Variants in SETBP1 observed in about 807,000 individuals in gnomAD.
SETBP1 encodes SET-binding protein.
A neutral mutation model predicts 101.0 loss-of-function variants in SETBP1; 9 were observed. That is an observed-to-expected ratio of 0.09 (90% CI 0.05 to 0.16). SETBP1 has a LOEUF of 0.16. SETBP1 is among the 10% of genes least tolerant of loss of function. The pLI is 1.00. For synonymous variants in SETBP1, 818 were observed against 788.5 expected (o/e 1.04, Z -0.63); for missense variants, 1,858 against 2,033.8 (o/e 0.91, Z 1.66).
intron 5 of SETBP1, among the ~76,000 whole-genome samples, chr18:45,060,567 G>A (rs1191402724): frequency 2.0e-5 from 3 of 152,054 alleles, no homozygotes; most frequent in Non-Finnish European, 4.4e-5. Flanking sequence ...GTTAACATTT[G>A]CTAAATGTGA....
intron 1 of SETBP1, among the ~76,000 whole-genome samples, chr18:44,683,682 T>C (rs2144089570): frequency 6.6e-6 from 1 of 152,298 alleles, no homozygotes; most frequent in South Asian, 2.1e-4. Flanking sequence ...CCTTTCTGGG[T>C]TCCTGTGGAG....
At chr18:45,061,742 C>A (rs1442714588) in intron 5 of SETBP1, among the ~76,000 whole-genome samples, 1 of 152,216 alleles carries the variant, frequency 6.6e-6, no homozygotes, top group Non-Finnish European at 1.5e-5. Flanking sequence ...ATGTTTTAAG[C>A]GTCTTTTTTC....
intron 2 of SETBP1, among the ~76,000 whole-genome samples, chr18:44,716,010 C>G (rs1003077376): frequency 1.3e-5 from 2 of 152,110 alleles, no homozygotes; most frequent in African/African-American, 4.8e-5. Flanking sequence ...CTTCCCCTAC[C>G]CCCACCTTCC....
At position 44,917,135 on chromosome 18, in the gene SETBP1, A is replaced by G. The variant is rs1477539948; in HGVS notation, c.541-32746A>G. ...ACCTCCTGAATGTCCCTCTGAGTAG[A>G]TATCAGGGAAAGGACACCCTTCTCA... On this transcript the variant is annotated intron_variant, in intron 3 of 5. Transcript: ENST00000649279. Among the ~76,000 whole-genome samples, 3 of 152,218 alleles carry G rather than the reference A, an allele frequency of 2.0e-5. No homozygotes were observed. The East Asian group carries it at 5.8e-4, about 29-fold the overall frequency.
At chr18:44,967,891 A>G (rs936146187) in intron 4 of SETBP1, among the ~76,000 whole-genome samples, 3 of 152,154 alleles carry the variant, frequency 2.0e-5, no homozygotes, top group African/African-American at 4.8e-5. Context: ...TCTCTCTCTC[A>G]GAACACCTTG....
intron 2 of SETBP1, among the ~76,000 whole-genome samples, chr18:44,753,136 T>C (rs2070422517): frequency 6.6e-6 from 1 of 152,190 alleles, no homozygotes; most frequent in African/African-American, 2.4e-5. Flanking sequence ...TGCTTGTAGA[T>C]TATTTCCAAA....
At chr18:44,836,222 T>C (rs906712951) in intron 2 of SETBP1, among the ~76,000 whole-genome samples, 1 of 152,164 alleles carries the variant, frequency 6.6e-6, no homozygotes, top group African/African-American at 2.4e-5. Context: ...AACACTGAAT[T>C]GTATATCAGC....
intron 2 of SETBP1, among the ~76,000 whole-genome samples, chr18:44,754,767 G>T: frequency 6.6e-6 from 1 of 152,166 alleles, no homozygotes; most frequent in East Asian, 1.9e-4. Context: ...TTGGCTCTCT[G>T]TCTACTGGAC....
chr18:44,940,418 G>C (rs12606626), intron 3 of SETBP1, among the ~76,000 whole-genome samples: 15,695 of 152,044 alleles, frequency 0.1, 908 homozygotes, highest in East Asian at 0.18. Context: ...TATGTTGCTT[G>C]TATTTTCTGT....
chr18:44,985,676 G>C (rs1183178142), intron 4 of SETBP1, among the ~76,000 whole-genome samples: 2 of 152,158 alleles, frequency 1.3e-5, no homozygotes, highest in African/African-American at 4.8e-5. Context: ...CTATCAATTT[G>C]TCAGTAATCA....
At chr18:44,967,872 C>T (rs2071754433) in intron 4 of SETBP1, among the ~76,000 whole-genome samples, 1 of 152,222 alleles carries the variant, frequency 6.6e-6, no homozygotes, top group Admixed American at 6.5e-5. Context: ...TGGCTTTGCA[C>T]ATGCCATTTC....
rs540838384 is a variant in SETBP1, at chr18:44,834,964, G to C, written c.487-34266G>C. ...AAGCAGAGGAAAGAGGAAAGGGTAT[G>C]GCTGGCTTATGAAGTATGAGGTGGG... is the stretch of plus-strand genomic sequence containing the variant. On this transcript the variant is annotated intron_variant, in intron 2 of 5. Coordinates refer to ENST00000649279, the MANE Select transcript of SETBP1 (RefSeq NM_015559.3). 3.3e-5 allele frequency among the ~76,000 whole-genome samples: 5 copies of C among 152,300 alleles called. No homozygotes were observed. The East Asian group carries it at 7.7e-4, about 24-fold the overall frequency.
intron 4 of SETBP1, among the ~76,000 whole-genome samples, chr18:44,965,657 T>A (rs903860493): frequency 1.3e-5 from 2 of 152,134 alleles, no homozygotes; most frequent in African/African-American, 4.8e-5. Context: ...ATTTCTTAAA[T>A]CTCCATGGAC....
At chr18:44,995,692 G>T (rs1483111107) in intron 4 of SETBP1, among the ~76,000 whole-genome samples, 1 of 152,116 alleles carries the variant, frequency 6.6e-6, no homozygotes, top group South Asian at 2.1e-4. Context: ...CCAAAATCAA[G>T]ATGCTGGGAT....
intron 2 of SETBP1, among the ~76,000 whole-genome samples, chr18:44,727,663 A>G (rs981572026): frequency 1.3e-5 from 2 of 152,148 alleles, no homozygotes; most frequent in Non-Finnish European, 2.9e-5. Flanking sequence ...TGAAATCTCT[A>G]CCACCATCAT....
Position 44,941,077 on chromosome 18 carries a change from C to CTTTTT in SETBP1, c.541-8785_541-8781dup, listed in dbSNP as rs71177660. Reference sequence around the variant, plus strand: ...ATATTCTAATTAATGAGAAGTCAGACTTTTTTTTTTTTTTTTTTTTTTTGA... The same window carrying CTTTTT: ...ATATTCTAATTAATGAGAAGTCAGACTTTTTTTTTTTTTTTTTTTTTTTTTTTTGA... On this transcript the variant is annotated intron_variant, in intron 3 of 5. Transcript: ENST00000649279. Among the ~76,000 whole-genome samples, 40 of 74,836 alleles carry CTTTTT rather than the reference C, an allele frequency of 5.3e-4. 1 individual carries two copies. The highest frequency in any genetic ancestry group is 6.4e-4 in the Admixed American group (4 of 6,252). 49.1% of individuals were successfully genotyped at this position (74,836 alleles called of 152,430 possible).
intron 3 of SETBP1, among the ~76,000 whole-genome samples, chr18:44,926,671 G>C (rs2070711625): frequency 6.6e-6 from 1 of 152,160 alleles, no homozygotes; most frequent in South Asian, 2.1e-4. Context: ...TGTCTGAGAA[G>C]GGGCCTGCTT....
chr18:45,047,121 A>T (rs969273126), intron 5 of SETBP1, among the ~76,000 whole-genome samples: 1 of 152,140 alleles, frequency 6.6e-6, no homozygotes, highest in African/African-American at 2.4e-5. Context: ...TGATAATAAC[A>T]CGTTTTATCT....
intron 2 of SETBP1, among the ~76,000 whole-genome samples, chr18:44,719,567 G>A (rs1017288389): frequency 2.0e-5 from 3 of 152,152 alleles, no homozygotes; most frequent in African/African-American, 7.2e-5. Context: ...TCCCACTGGT[G>A]TCAGAACTGC....
Sources: gnomAD v4.1 joint callset for allele counts (sites outside exome capture counted in the v4.1 genomes callset) on GRCh38, gnomAD v4.1.1 for gene constraint, MANE v1.5 for transcripts, NCBI Gene and HGNC (gene_info 2026-07-23, HGNC 2026-07-21) for gene names.